SOX5: variants seen among roughly 807,000 people sequenced by gnomAD.
The protein encoded by SOX5 is transcription factor SOX-5.
A neutral mutation model predicts 92.0 loss-of-function variants in SOX5; 9 were observed. The ratio of observed to expected loss-of-function variants is 0.10; its 90% CI spans 0.06 to 0.17. SOX5 has a LOEUF of 0.17. Ranked by LOEUF, SOX5 falls within the 10% of genes least tolerant of loss-of-function variation. The probability of loss-of-function intolerance (pLI) is 1.00; values close to 1 mark genes in which losing one functional copy is unlikely to be tolerated. For missense variants in SOX5, 642 were observed against 944.5 expected, an observed-to-expected ratio of 0.68 and a Z score of 4.20; for synonymous variants, 344 against 336.3, an observed-to-expected ratio of 1.02 and a Z score of -0.25.
At chr12:23,876,826 G>T (rs557662453) in intron 2 of SOX5, among the ~76,000 whole-genome samples, 52 of 152,314 alleles carry the variant, frequency 3.4e-4, no homozygotes, top group African/African-American at 1.2e-3. Context: ...AAAAAAGGAT[G>T]AGTTCACGTC....
At chr12:24,314,766 C>T (rs373494697) in intron 2 of SOX5, among the ~76,000 whole-genome samples, 23 of 152,278 alleles carry the variant, frequency 1.5e-4, no homozygotes, top group African/African-American at 5.5e-4. Context: ...CCTTGAACTG[C>T]GATTTGCATT....
At chr12:23,889,838 G>C (rs1401359066) in intron 2 of SOX5, among the ~76,000 whole-genome samples, 1 of 152,062 alleles carries the variant, frequency 6.6e-6, no homozygotes, top group African/African-American at 2.4e-5. Context: ...ATCAAACTAA[G>C]AGATTATATA....
chr12:24,358,225 C>T (rs900233532), intron 2 of SOX5, among the ~76,000 whole-genome samples: 1 of 152,072 alleles, frequency 6.6e-6, no homozygotes, highest in African/African-American at 2.4e-5. Context: ...TGTGGGACAC[C>T]TCAATAATTA....
intron 2 of SOX5, among the ~76,000 whole-genome samples, chr12:23,856,068 G>T (rs752338389): frequency 7.2e-5 from 11 of 152,030 alleles, no homozygotes; most frequent in Non-Finnish European, 1.2e-4. Flanking sequence ...TAATGGTGAG[G>T]TATTAAACAG....
intron 4 of SOX5, among the ~76,000 whole-genome samples, chr12:24,145,544 T>C (rs981799290): frequency 2.6e-5 from 4 of 152,326 alleles, no homozygotes; most frequent in African/African-American, 9.6e-5. Flanking sequence ...TTGCCCGGGC[T>C]GAAGTGCAGT....
At chr12:24,073,620 C>A (rs924188365) in intron 4 of SOX5, among the ~76,000 whole-genome samples, 1 of 152,130 alleles carries the variant, frequency 6.6e-6, no homozygotes, top group Non-Finnish European at 1.5e-5. Context: ...AATAAAACTG[C>A]CAACCATGCA....
chr12:24,434,111 C>T (rs1051583117), intron 1 of SOX5, among the ~76,000 whole-genome samples: 15 of 152,012 alleles, frequency 9.9e-5, no homozygotes, highest in Non-Finnish European at 1.3e-4. Flanking sequence ...TCAGAGATAC[C>T]AAGTCAGATG....
intron 5 of SOX5, among the ~76,000 whole-genome samples, chr12:23,735,929 C>A (rs984944558): frequency 6.6e-6 from 1 of 152,118 alleles, no homozygotes; most frequent in African/African-American, 2.4e-5. Flanking sequence ...TCCATAAATT[C>A]AGTGAGGGTG....
At chr12:24,412,939 T>C (rs879356676) in intron 1 of SOX5, among the ~76,000 whole-genome samples, 2 of 152,088 alleles carry the variant, frequency 1.3e-5, no homozygotes, top group African/African-American at 2.4e-5. Context: ...GTATTTTTAG[T>C]AGAGACAGGG....
chr12:24,129,296 T>C (rs962802396), intron 4 of SOX5, among the ~76,000 whole-genome samples: 7 of 152,210 alleles, frequency 4.6e-5, no homozygotes, highest in Admixed American at 2.0e-4. Flanking sequence ...TTCAGTACAA[T>C]AGGAATATTG....
chr12:24,111,691 C>T (rs558939655), intron 4 of SOX5, among the ~76,000 whole-genome samples: 6 of 152,034 alleles, frequency 3.9e-5, no homozygotes, highest in East Asian at 3.9e-4. Flanking sequence ...AAAGATTTTT[C>T]GTCAAATTAT....
At chr12:23,565,802 C>T (rs1592118868) in intron 10 of SOX5, among the ~76,000 whole-genome samples, 1 of 152,238 alleles carries the variant, frequency 6.6e-6, no homozygotes, top group South Asian at 2.1e-4. Context: ...AATCATAAAG[C>T]CATGTATATA....
chr12:24,030,235 C>T (rs763041963), intron 4 of SOX5, among the ~76,000 whole-genome samples: 2 of 151,756 alleles, frequency 1.3e-5, no homozygotes, highest in South Asian at 4.2e-4. Context: ...CCTCAAATAG[C>T]CAAATAAATC....
chr12:23,826,643 A>G (rs2096239896), intron 3 of SOX5, among the ~76,000 whole-genome samples: 1 of 152,076 alleles, frequency 6.6e-6, no homozygotes, highest in African/African-American at 2.4e-5. Flanking sequence ...GTATCTTGAC[A>G]CTAATGAAAA....
At chr12:23,966,493 A>G (rs987250662) in intron 4 of SOX5, among the ~76,000 whole-genome samples, 6 of 152,188 alleles carry the variant, frequency 3.9e-5, no homozygotes, top group African/African-American at 1.4e-4. Flanking sequence ...TGAACTGCCC[A>G]GTACAGGTAA....
At chr12:23,932,024 T>C (rs1305524738) in intron 1 of SOX5, among the ~76,000 whole-genome samples, 1 of 151,488 alleles carries the variant, frequency 6.6e-6, no homozygotes, top group African/African-American at 2.4e-5. Flanking sequence ...GATAGCTTTC[T>C]GAGAACAGAT....
intron 3 of SOX5, among the ~76,000 whole-genome samples, chr12:24,271,353 C>G (rs1407286773): frequency 5.9e-5 from 9 of 152,130 alleles, no homozygotes; most frequent in South Asian, 2.1e-4. Context: ...TCTTCTTTTG[C>G]CTTTTTCTAC....
chr12:24,417,184 G>C (rs773660668), intron 1 of SOX5, among the ~76,000 whole-genome samples: 4 of 152,322 alleles, frequency 2.6e-5, no homozygotes, highest in African/African-American at 4.8e-5. Context: ...AAAGCTACGA[G>C]ACTGGACAGA....
intron 3 of SOX5, among the ~76,000 whole-genome samples, chr12:23,836,314 T>C (rs1368121676): frequency 1.3e-5 from 2 of 151,866 alleles, no homozygotes; most frequent in East Asian, 3.8e-4. Context: ...CACTTTAGCA[T>C]CCCATTCAGT....
Sources: gnomAD v4.1 joint callset for allele counts (sites outside exome capture counted in the v4.1 genomes callset) on GRCh38, gnomAD v4.1.1 for gene constraint, MANE v1.5 for transcripts, NCBI Gene and HGNC (gene_info 2026-07-23, HGNC 2026-07-21) for gene names.